Variants in NIPSNAP2 observed in about 807,000 individuals in gnomAD.
NIPSNAP2 encodes the protein nipsnap homolog 2.
Under a neutral mutation model 48.4 loss-of-function variants are expected in NIPSNAP2, and 42 were observed. The ratio of observed to expected loss-of-function variants is 0.87; its 90% confidence interval spans 0.68 to 1.12. The LOEUF (loss-of-function observed/expected upper bound fraction) is 1.12. Among genes scored for constraint, NIPSNAP2 ranks in the 50% most tolerant of loss-of-function variants. The pLI, the probability that NIPSNAP2 is intolerant of heterozygous loss-of-function variation, is 0.00. For synonymous variants in NIPSNAP2, 158 were observed against 126.6 expected, an observed-to-expected ratio of 1.25 and a Z score of -1.67; for missense variants, 314 against 347.3, an observed-to-expected ratio of 0.90 and a Z score of 0.76.
chr7:55,996,997 A>G (rs1202100996), intron 8 of NIPSNAP2, among the ~76,000 whole-genome samples: 1 of 152,112 alleles, frequency 6.6e-6, no homozygotes, highest in African/African-American at 2.4e-5. Flanking sequence ...ACTGGGCACA[A>G]AAAAATACAA....
chr7:55,983,321 A>G (rs1286489001), intron 5 of NIPSNAP2, among the ~76,000 whole-genome samples: 1 of 152,210 alleles, frequency 6.6e-6, no homozygotes, highest in Admixed American at 6.5e-5. Context: ...AGAAATTTAA[A>G]AGCCACACAT....
At chr7:55,996,297 A>AAG (rs1562769982) in intron 8 of NIPSNAP2, among the ~76,000 whole-genome samples, 8 of 151,924 alleles carry the variant, frequency 5.3e-5, no homozygotes, top group Admixed American at 2.6e-4. Context: ...AAAAAAAAAA[A>AAG]AAAAGAAAAG....
At chr7:55,990,087 G>A (rs1787412217) in intron 7 of NIPSNAP2, among the ~76,000 whole-genome samples, 1 of 151,846 alleles carries the variant, frequency 6.6e-6, no homozygotes, top group Non-Finnish European at 1.5e-5. Context: ...CTCCATCTCA[G>A]AATATATATA....
intron 7 of NIPSNAP2, among the ~76,000 whole-genome samples, chr7:55,992,284 A>G (rs889352648): frequency 2.6e-5 from 4 of 152,110 alleles, no homozygotes; most frequent in African/African-American, 9.7e-5. Context: ...GACCAGCCCA[A>G]GCAACATAGC....
At chr7:55,975,952 G>A (rs566376773) in intron 1 of NIPSNAP2, among the ~76,000 whole-genome samples, 3 of 152,250 alleles carry the variant, frequency 2.0e-5, no homozygotes, top group Admixed American at 1.3e-4. Context: ...CGGGAGAATC[G>A]CTTGAACCTG....
At chr7:55,980,526 A>G (rs542456834) in intron 3 of NIPSNAP2, 62 of 152,266 alleles carry the variant, frequency 4.1e-4, no homozygotes, top group African/African-American at 1.4e-3. Flanking sequence ...CCATTGTTGA[A>G]TCTGTATGAT....
intron 8 of NIPSNAP2, among the ~76,000 whole-genome samples, chr7:55,996,836 C>T (rs1423765888): frequency 2.0e-5 from 3 of 151,810 alleles, no homozygotes; most frequent in Non-Finnish European, 2.9e-5. Flanking sequence ...GAGACCAGCT[C>T]GGGCAACATA....
At chr7:55,977,640 G>A (rs919741923) in intron 1 of NIPSNAP2, among the ~76,000 whole-genome samples, 1 of 152,060 alleles carries the variant, frequency 6.6e-6, no homozygotes, top group Non-Finnish European at 1.5e-5. Flanking sequence ...CAAAATGTAC[G>A]TAATGTAAAA....
intron 1 of NIPSNAP2, among the ~76,000 whole-genome samples, chr7:55,973,044 T>C (rs1219435827): frequency 6.6e-6 from 1 of 151,808 alleles, no homozygotes; most frequent in Non-Finnish European, 1.5e-5. Flanking sequence ...AGGTCGAGGC[T>C]ACAGTGAGCC....
At chr7:55,979,436 G>T in intron 3 of NIPSNAP2, 1 of 199,324 alleles carries the variant, frequency 5.0e-6, no homozygotes, top group Admixed American at 5.4e-5. Context: ...GAATCACCTT[G>T]CTCTTCCAAC....
intron 7 of NIPSNAP2, among the ~76,000 whole-genome samples, chr7:55,989,681 C>G (rs1401604546): frequency 6.6e-6 from 1 of 152,046 alleles, no homozygotes; most frequent in Non-Finnish European, 1.5e-5. Flanking sequence ...CATTGGTTAG[C>G]TGAAGTCAGT....
At chr7:55,977,666 A>G (rs910138296) in intron 1 of NIPSNAP2, among the ~76,000 whole-genome samples, 1 of 152,164 alleles carries the variant, frequency 6.6e-6, no homozygotes, top group African/African-American at 2.4e-5. Flanking sequence ...CATTTTAACC[A>G]TTTTAAGCAT....
chr7:55,996,532 G>A (rs181296018), intron 8 of NIPSNAP2, among the ~76,000 whole-genome samples: 7 of 152,148 alleles, frequency 4.6e-5, no homozygotes, highest in East Asian at 1.9e-4. Flanking sequence ...AACTGACCTC[G>A]CCTGCCTCAT....
intron 9 of NIPSNAP2, 49 bp downstream of exon 9, chr7:55,997,498 T>C (rs746992455): frequency 7.2e-7 from 1 of 1,385,052 alleles, no homozygotes; most frequent in East Asian, 2.3e-5. Context: ...ACTGTTTCAA[T>C]CATGTTCTTT....
chr7:55,968,580 G>T (rs1440725832), intron 1 of NIPSNAP2, among the ~76,000 whole-genome samples: 5 of 151,974 alleles, frequency 3.3e-5, no homozygotes, highest in African/African-American at 1.2e-4. Context: ...TAGAGATGGG[G>T]TTTCACCATT....
At chr7:55,981,817 G>C (rs1300741228) in intron 4 of NIPSNAP2, 1 of 411,220 alleles carries the variant, frequency 2.4e-6, no homozygotes. Flanking sequence ...CAGTTTTTTT[G>C]TTTTTTGAGA....
At chr7:55,974,144 G>A (rs891764026) in intron 1 of NIPSNAP2, among the ~76,000 whole-genome samples, 6 of 152,100 alleles carry the variant, frequency 3.9e-5, no homozygotes, top group African/African-American at 1.4e-4. Flanking sequence ...AGAATTGCTG[G>A]AACCTGGGAG....
intron 7 of NIPSNAP2, among the ~76,000 whole-genome samples, chr7:55,989,735 G>A (rs1787405192): frequency 6.6e-6 from 1 of 152,120 alleles, no homozygotes. Flanking sequence ...TGACATTTAG[G>A]GTTCTGTGAT....
intron 1 of NIPSNAP2, among the ~76,000 whole-genome samples, chr7:55,965,742 G>A (rs1786880527): frequency 6.6e-6 from 1 of 151,930 alleles, no homozygotes; most frequent in South Asian, 2.1e-4. Context: ...CACCACACCC[G>A]GCTAATTTTT....
Sources: allele counts gnomAD v4.1 joint callset (sites outside exome capture counted in the v4.1 genomes callset), GRCh38; gene constraint gnomAD v4.1.1; transcripts MANE v1.5; gene names NCBI Gene and HGNC (gene_info 2026-07-23, HGNC 2026-07-21).